NOX4: variants seen among roughly 807,000 people sequenced by gnomAD.
NOX4 encodes kidney oxidase-1.
NOX4 carries 69 observed loss-of-function variants against 87.6 expected under a neutral mutation model. The ratio of observed to expected loss-of-function variants is 0.79; its 90% CI spans 0.65 to 0.96. NOX4 has a LOEUF of 0.96. Among genes scored for constraint, NOX4 ranks in the 40% least tolerant of loss-of-function variants. NOX4 has a pLI of 0.00. For synonymous variants in NOX4, 275 were observed against 238.2 expected, an observed-to-expected ratio of 1.15 and a Z score of -1.42; for missense variants, 680 against 681.5, an observed-to-expected ratio of 1.00 and a Z score of 0.02.
intron 11 of NOX4, among the ~76,000 whole-genome samples, chr11:89,382,907 A>G (rs1192335785): frequency 1.3e-5 from 2 of 152,082 alleles, no homozygotes; most frequent in East Asian, 3.9e-4. Flanking sequence ...TTTTCATCAA[A>G]TATAAAAACC....
At chr11:89,534,535 C>T in the NOX4 span, among the ~76,000 whole-genome samples, 2 of 152,180 alleles carry the variant, frequency 1.3e-5, no homozygotes, top group Non-Finnish European at 2.9e-5. Flanking sequence ...CCCACAGAAT[C>T]GTGTTTTGTC....
the NOX4 span, among the ~76,000 whole-genome samples, chr11:89,587,476 G>A: frequency 1.5e-5 from 2 of 132,878 alleles, no homozygotes; most frequent in African/African-American, 5.8e-5. Context: ...AAAGGTGGGA[G>A]AGGGAAAGGA....
intron 12 of NOX4, 21 bp from the exon 13 acceptor site, chr11:89,355,064 A>C: frequency 6.6e-7 from 1 of 1,512,528 alleles, no homozygotes; most frequent in Non-Finnish European, 9.2e-7. Flanking sequence ...AAAAATAAAC[A>C]TCAAGCTGTG....
intron 2 of NOX4, among the ~76,000 whole-genome samples, chr11:89,488,448 C>A (rs1430951188): frequency 1.3e-5 from 2 of 152,014 alleles, no homozygotes; most frequent in African/African-American, 2.4e-5. Context: ...CATATGTGAT[C>A]TTAATCATAT....
chr11:89,543,786 T>C, the NOX4 span, among the ~76,000 whole-genome samples: 1 of 152,074 alleles, frequency 6.6e-6, no homozygotes, highest in Admixed American at 6.6e-5. Context: ...GGAAAGTAAA[T>C]AGATATTGTC....
the NOX4 span, among the ~76,000 whole-genome samples, chr11:89,535,281 A>G: frequency 2.0e-5 from 3 of 152,214 alleles, no homozygotes; most frequent in Admixed American, 6.5e-5. Context: ...TCTTAAATAT[A>G]ATTTTAACTA....
At chr11:89,511,142 T>A in the NOX4 span, among the ~76,000 whole-genome samples, 1 of 152,068 alleles carries the variant, frequency 6.6e-6, no homozygotes, top group East Asian at 1.9e-4. Context: ...TAATATTACA[T>A]TTATGGAGTA....
At chr11:89,333,470 A>G (rs972339949) in intron 17 of NOX4, among the ~76,000 whole-genome samples, 3 of 151,746 alleles carry the variant, frequency 2.0e-5, no homozygotes, top group African/African-American at 7.2e-5. Flanking sequence ...CTGTAAGAAT[A>G]CATAACGAAG....
chr11:89,514,519 C>G, the NOX4 span, among the ~76,000 whole-genome samples: 1 of 151,798 alleles, frequency 6.6e-6, no homozygotes, highest in African/African-American at 2.4e-5. Flanking sequence ...GTTTTTCTGA[C>G]TACAAACTCT....
intron 7 of NOX4, among the ~76,000 whole-genome samples, chr11:89,424,210 T>C (rs940444842): frequency 4.0e-5 from 6 of 151,860 alleles, no homozygotes; most frequent in African/African-American, 1.2e-4. Flanking sequence ...CAATCGTAAG[T>C]GGTATATTTT....
chr11:89,506,610 G>A, the NOX4 span, among the ~76,000 whole-genome samples: 1 of 151,738 alleles, frequency 6.6e-6, no homozygotes, highest in Non-Finnish European at 1.5e-5. Context: ...TATAACTTCT[G>A]TTCTTCAAAA....
chr11:89,336,594 C>G (rs1027288572), intron 16 of NOX4, among the ~76,000 whole-genome samples: 4 of 151,952 alleles, frequency 2.6e-5, no homozygotes, highest in African/African-American at 9.7e-5. Flanking sequence ...TGTGAAGAGT[C>G]AGAGTGAACT....
upstream of NOX4, among the ~76,000 whole-genome samples, chr11:89,492,737 G>A (rs373659541): frequency 2.8e-4 from 43 of 152,142 alleles, no homozygotes; most frequent in African/African-American, 1.0e-3. Context: ...AAGAGCACAC[G>A]AAAAACCCAA....
chr11:89,578,165 C>CTT, the NOX4 span, among the ~76,000 whole-genome samples: 28 of 140,706 alleles, frequency 2.0e-4, no homozygotes, highest in East Asian at 1.0e-3. Flanking sequence ...TTATTTAAAT[C>CTT]TTTTTTTTTT....
chr11:89,406,952 G>A (rs1942219418), intron 8 of NOX4, among the ~76,000 whole-genome samples: 1 of 151,914 alleles, frequency 6.6e-6, no homozygotes, highest in Admixed American at 6.6e-5. Flanking sequence ...GAGATTCCAG[G>A]GGTTAGAGAA....
At chr11:89,443,059 G>A (rs2135362013) in intron 5 of NOX4, among the ~76,000 whole-genome samples, 1 of 152,156 alleles carries the variant, frequency 6.6e-6, no homozygotes, top group East Asian at 1.9e-4. Flanking sequence ...TTTTTCAGTG[G>A]TTCTCAGTGC....
At chr11:89,465,556 A>G (rs1210998988) in intron 2 of NOX4, among the ~76,000 whole-genome samples, 5 of 152,196 alleles carry the variant, frequency 3.3e-5, no homozygotes, top group African/African-American at 1.2e-4. Context: ...GAATTGCCAC[A>G]CTGTCTTCCA....
At chr11:89,403,672 G>T (rs1213355874) in intron 8 of NOX4, among the ~76,000 whole-genome samples, 1 of 152,112 alleles carries the variant, frequency 6.6e-6, no homozygotes, top group Non-Finnish European at 1.5e-5. Context: ...AACCCGGGAG[G>T]CGGAGGTTGC....
intron 17 of NOX4, among the ~76,000 whole-genome samples, chr11:89,329,438 A>G (rs1471514990): frequency 6.7e-6 from 1 of 149,796 alleles, no homozygotes; most frequent in Admixed American, 6.7e-5. Flanking sequence ...TCAAAAATAC[A>G]TGTAACTGCA....
Sources: gnomAD v4.1 joint callset for allele counts (sites outside exome capture counted in the v4.1 genomes callset) on GRCh38, gnomAD v4.1.1 for gene constraint, MANE v1.5 for transcripts, NCBI Gene and HGNC (gene_info 2026-07-23, HGNC 2026-07-21) for gene names.